Variants in RPS6KA3 observed in about 807,000 individuals in gnomAD.
RPS6KA3 encodes ribosomal protein S6 kinase alpha-3.
RPS6KA3 carries 4 observed loss-of-function variants against 67.2 expected under a neutral mutation model. The observed-to-expected ratio is 0.06, with a 90% CI of 0.03 to 0.14. RPS6KA3 has a LOEUF of 0.14. Ranked by LOEUF, RPS6KA3 falls within the 10% of genes least tolerant of loss-of-function variation. RPS6KA3 has a pLI of 1.00. For synonymous variants in RPS6KA3, 182 were observed against 183.7 expected, an observed-to-expected ratio of 0.99 and a Z score of 0.07; for missense variants, 204 against 559.0, an observed-to-expected ratio of 0.36 and a Z score of 6.40.
At chrX:20,195,966 T>G (rs1331145827) in intron 4 of RPS6KA3, among the ~76,000 whole-genome samples, 3 of 112,276 alleles carry the variant, frequency 2.7e-5, no homozygotes, top group African/African-American at 9.7e-5. Flanking sequence ...AGTAGCACCA[T>G]GAATATGATT....
At chrX:20,214,304 C>A (rs911873763) in intron 2 of RPS6KA3, among the ~76,000 whole-genome samples, 9 of 112,023 alleles carry the variant, frequency 8.0e-5, no homozygotes, top group Non-Finnish European at 1.5e-4. Context: ...TAGATTACCC[C>A]CTTGTAACTT....
chrX:20,245,284 G>A (rs1256725172), intron 1 of RPS6KA3, among the ~76,000 whole-genome samples: 1 of 111,721 alleles, frequency 9.0e-6, no homozygotes, highest in East Asian at 2.8e-4. Context: ...ATTTTGGGGG[G>A]TTTTCGTACC....
chrX:20,238,576 A>G (rs1829763552), intron 1 of RPS6KA3, among the ~76,000 whole-genome samples: 1 of 110,880 alleles, frequency 9.0e-6, no homozygotes, highest in Admixed American at 9.6e-5. Flanking sequence ...TTTCTCAAAT[A>G]CTCACCCAGC....
intron 2 of RPS6KA3, among the ~76,000 whole-genome samples, chrX:20,220,204 G>GT (rs779941752): frequency 6.4e-4 from 71 of 110,409 alleles, no homozygotes; most frequent in Non-Finnish European, 1.2e-3. Flanking sequence ...AAGTTGAAGA[G>GT]TAACTAAAAA....
chrX:20,209,726 A>G (rs1009876196), intron 2 of RPS6KA3, among the ~76,000 whole-genome samples: 1 of 111,835 alleles, frequency 8.9e-6, no homozygotes, highest in African/African-American at 3.3e-5. Context: ...AGATAATTAG[A>G]ATAGTTTTAT....
At chrX:20,200,091 A>T (rs1450791762) in intron 4 of RPS6KA3, among the ~76,000 whole-genome samples, 1 of 112,316 alleles carries the variant, frequency 8.9e-6, no homozygotes, top group African/African-American at 3.2e-5. Context: ...AAGAGACTGA[A>T]TACAGAAAAG....
intron 1 of RPS6KA3, among the ~76,000 whole-genome samples, chrX:20,255,787 C>T (rs12556478): frequency 8.1e-5 from 1 of 12,321 alleles, no homozygotes; most frequent in East Asian, 2.9e-3. Flanking sequence ...AAAATTTCGT[C>T]TCAAAAAAAA....
intron 14 of RPS6KA3, among the ~76,000 whole-genome samples, chrX:20,174,339 TCTA>T (rs1005356814): frequency 9.5e-6 from 1 of 104,822 alleles, no homozygotes; most frequent in African/African-American, 3.6e-5. Flanking sequence ...CTTTTAAAAT[TCTA>T]CTTTCTTTTT....
chrX:20,176,290 T>G lies in RPS6KA3; in HGVS notation c.1062A>C (p.Thr354=). 5 of 1,202,820 alleles carry G rather than the reference T, an allele frequency of 4.2e-6. No individual in the cohort carries two copies. Among genetic ancestry groups the G allele is most frequent in the Non-Finnish European group, 5.6e-6 (5 of 887,477 alleles). ...FKPATGRPED[T]FYFDPEFTAK... ...CAGTAAACTCAGGATCAAAATAGAA[T>G]GTATCTTCAGGCCTGCCCGTTGCAG... The change falls in exon 13 of 22, where the codon ACA becomes ACC. Residue 354 remains threonine, a synonymous_variant. Coordinates refer to ENST00000379565, the MANE Select transcript of RPS6KA3 (RefSeq NM_004586.3).
chrX:20,225,280 GGGT>G (rs2069091678), intron 2 of RPS6KA3, among the ~76,000 whole-genome samples: 1 of 100,130 alleles, frequency 1.0e-5, no homozygotes, highest in Non-Finnish European at 2.0e-5. Flanking sequence ...AAGCTCTTAG[GGGT>G]GGAGGAACAG....
chrX:20,193,944 C>T (rs920448516), intron 6 of RPS6KA3, among the ~76,000 whole-genome samples: 2 of 112,301 alleles, frequency 1.8e-5, no homozygotes, highest in African/African-American at 6.5e-5. Context: ...CTTGTTGATA[C>T]ATTATTGCTT....
At chrX:20,220,419 C>A (rs1421300374) in intron 2 of RPS6KA3, among the ~76,000 whole-genome samples, 1 of 111,274 alleles carries the variant, frequency 9.0e-6, no homozygotes, top group African/African-American at 3.3e-5. Context: ...ACTTAAGACT[C>A]CTTACAATGG....
intron 4 of RPS6KA3, among the ~76,000 whole-genome samples, chrX:20,202,536 G>A (rs2068468151): frequency 9.0e-6 from 1 of 111,197 alleles, no homozygotes; most frequent in South Asian, 3.8e-4. Context: ...TTCTGGATTC[G>A]GAAATAAAAT....
At chrX:20,172,289 G>A (rs1333706998) in intron 15 of RPS6KA3, among the ~76,000 whole-genome samples, 2 of 112,097 alleles carry the variant, frequency 1.8e-5, no homozygotes, top group Non-Finnish European at 3.8e-5. Flanking sequence ...GATACTTGAT[G>A]AAATTAAAAC....
chrX:20,194,185 A>G lies in RPS6KA3; in HGVS notation c.486+4T>C. ...TAGACTAAAAATAGAGATTAATTAT[A>G]TACCTCTTTGGATAAGCGTGTAAAC... On this transcript the variant is annotated splice_donor_region_variant and intron_variant, in intron 6 of 21. Transcript: ENST00000379565. The G allele has an allele frequency of 9.1e-7, 1 of 1,096,445 alleles. No individual in the cohort carries two copies. The highest frequency in any genetic ancestry group is 3.0e-5 in the East Asian group (1 of 33,206). The allele number at this position is 1,096,445 out of a possible 1,213,427, so 90.4% of individuals were successfully genotyped here. A position where few individuals can be genotyped will look rare whatever the true frequency, so the allele number is the denominator to read the frequency against.
chrX:20,171,753 A>T (rs1399453297), intron 15 of RPS6KA3, among the ~76,000 whole-genome samples: 2 of 112,176 alleles, frequency 1.8e-5, no homozygotes, highest in Admixed American at 9.5e-5. Flanking sequence ...GGCAAGACAC[A>T]TCCTTAAACT....
Position 20,187,943 on chromosome X carries a change from T to C in RPS6KA3, c.659A>G (p.Asp220Gly). 1 of 1,206,230 alleles carries C rather than the reference T, an allele frequency of 8.3e-7. No individual in the cohort carries two copies. Among genetic ancestry groups the C allele is most frequent in the Non-Finnish European group, 1.1e-6 (1 of 890,294 alleles). Residue 220 changes from aspartate to glycine, a missense_variant, in exon 9 of 22, where the codon GAC becomes GGC. Asp to Gly is a moderately conservative substitution (Grantham distance 94). Around this residue, in one of 4 missense-constraint regions of RPS6KA3, gnomAD observed 76 missense variants for 250.3 expected, o/e 0.30. Transcript: ENST00000379565. ...TDFGLSKESIDHEKKAYSFCG... is the reference protein window; with the variant it reads ...TDFGLSKESIGHEKKAYSFCG... ...AAAAGAATATGCCTTCTTTTCATGG[T>C]CAATAGACTCTTTACTTAGGCCGAA... is the stretch of plus-strand genomic sequence containing the variant.
upstream of RPS6KA3, chrX:20,266,919 C>T (rs1481359070): frequency 1.5e-6 from 1 of 662,168 alleles, no homozygotes; most frequent in Non-Finnish European, 1.8e-6. Flanking sequence ...TTCCTCTCCT[C>T]CTTCCGCCGC....
rs141998474 is a variant in RPS6KA3, at chrX:20,244,324, A to C, written c.70-9510T>G. Among the ~76,000 whole-genome samples the C allele has an allele frequency of 2.0e-3, 228 of 111,972 alleles. 1 individual carries two copies. The highest frequency in any genetic ancestry group is 6.9e-3 in the African/African-American group (214 of 30,838). ...GATTACAGGCCAGTTTAAAATTCTT[A>C]AAGGCAGGAATTACACAGGTCACAT... On this transcript the variant is annotated intron_variant, in intron 1 of 21. Coordinates refer to ENST00000379565, the MANE Select transcript of RPS6KA3 (RefSeq NM_004586.3).
Sources: allele counts gnomAD v4.1 joint callset (sites outside exome capture counted in the v4.1 genomes callset), GRCh38; gene constraint gnomAD v4.1.1; regional missense constraint gnomAD v4.1.1; transcripts MANE v1.5; gene names NCBI Gene and HGNC (gene_info 2026-07-23, HGNC 2026-07-21).